Variants in SAMMSON observed in about 807,000 individuals in gnomAD.
SAMMSON encodes the protein long intergenic non-protein coding RNA 1212.
chr3:70,281,254 A>G (rs556547673), intron 6 of SAMMSON, among the ~76,000 whole-genome samples: 3 of 152,272 alleles, frequency 2.0e-5, no homozygotes, highest in African/African-American at 7.2e-5. Context: ...AAATTTCTTC[A>G]AGGTAACCTC....
chr3:70,223,248 G>A (rs567009921), intron 4 of SAMMSON, among the ~76,000 whole-genome samples: 7 of 152,124 alleles, frequency 4.6e-5, no homozygotes, highest in East Asian at 3.9e-4. Flanking sequence ...CAAAGCAATC[G>A]AAACTCAGAG....
chr3:70,101,969 A>G (rs1418185461), intron 4 of SAMMSON, among the ~76,000 whole-genome samples: 1 of 152,218 alleles, frequency 6.6e-6, no homozygotes, highest in Non-Finnish European at 1.5e-5. Flanking sequence ...AATATTGGAA[A>G]CAAATGATCA....
At chr3:70,300,936 G>A (rs1702342844) in intron 7 of SAMMSON, among the ~76,000 whole-genome samples, 1 of 151,990 alleles carries the variant, frequency 6.6e-6, no homozygotes, top group African/African-American at 2.4e-5. Context: ...AAAGCCGTTA[G>A]TGCAATTTTC....
chr3:70,298,969 G>C (rs533064082), intron 7 of SAMMSON, among the ~76,000 whole-genome samples: 1 of 152,108 alleles, frequency 6.6e-6, no homozygotes, highest in Non-Finnish European at 1.5e-5. Flanking sequence ...ACTAAGCTGA[G>C]GCATTGATGT....
At chr3:70,098,711 A>G (rs1380985401) in intron 4 of SAMMSON, among the ~76,000 whole-genome samples, 2 of 152,148 alleles carry the variant, frequency 1.3e-5, no homozygotes. Flanking sequence ...AAAGTGTACA[A>G]AAAGGTACAA....
At chr3:70,143,164 G>A (rs1258433455) in intron 4 of SAMMSON, among the ~76,000 whole-genome samples, 1 of 152,068 alleles carries the variant, frequency 6.6e-6, no homozygotes, top group East Asian at 1.9e-4. Flanking sequence ...TCAAATGCAA[G>A]TATAGTTCTT....
chr3:70,340,247 TGGGGGGA>T, intron 7 of SAMMSON, among the ~76,000 whole-genome samples: 1 of 33,772 alleles, frequency 3.0e-5, no homozygotes, highest in Non-Finnish European at 5.4e-5. Context: ...TGTCGTGGGT[TGGGGGGA>T]GGGGGGAGGG....
intron 6 of SAMMSON, among the ~76,000 whole-genome samples, chr3:70,284,246 G>T (rs1003433769): frequency 6.6e-6 from 1 of 152,046 alleles, no homozygotes; most frequent in Non-Finnish European, 1.5e-5. Flanking sequence ...TTAGGACAAG[G>T]CCAAGATAAG....
chr3:70,060,638 G>C lies in SAMMSON; in HGVS notation n.418-10838G>C, dbSNP rs576892316. ...ACCTCCTATTTGCTGTCACAACTTGGGGGGAGATGCTACTGGCATCTGGTA... is the reference window on the plus strand; with the variant it reads ...ACCTCCTATTTGCTGTCACAACTTGCGGGGAGATGCTACTGGCATCTGGTA... On this transcript the variant is annotated intron_variant and non_coding_transcript_variant, in intron 3 of 9. Transcript: ENST00000642114. Among the ~76,000 whole-genome samples the C allele has an allele frequency of 2.4e-4, 36 of 152,140 alleles. No homozygotes were observed. The South Asian group carries it at 5.8e-3, about 25-fold the overall frequency.
At chr3:70,357,646 A>G (rs1306193229) in intron 8 of SAMMSON, among the ~76,000 whole-genome samples, 1 of 152,068 alleles carries the variant, frequency 6.6e-6, no homozygotes. Flanking sequence ...GCAAACCACC[A>G]TGGCACATGT....
chr3:70,297,177 T>C (rs1435256617), intron 7 of SAMMSON, among the ~76,000 whole-genome samples: 2 of 152,160 alleles, frequency 1.3e-5, no homozygotes, highest in Non-Finnish European at 2.9e-5. Context: ...TCAAATTTAC[T>C]ATTGGATGAT....
At chr3:70,161,064 T>TAAA (rs2067613042) in intron 4 of SAMMSON, among the ~76,000 whole-genome samples, 1 of 152,074 alleles carries the variant, frequency 6.6e-6, no homozygotes, top group Non-Finnish European at 1.5e-5. Flanking sequence ...AGCTTTGGCT[T>TAAA]TGTTTGTGGA....
chr3:70,356,526 CAGTCATTTAA>C (rs1231727560), intron 8 of SAMMSON, among the ~76,000 whole-genome samples: 2 of 152,062 alleles, frequency 1.3e-5, no homozygotes, highest in African/African-American at 4.8e-5. Context: ...CAAGTCCCAC[CAGTCATTTAA>C]TGACATTCTC....
At chr3:70,333,548 A>T (rs1157046322) in intron 7 of SAMMSON, among the ~76,000 whole-genome samples, 1 of 152,130 alleles carries the variant, frequency 6.6e-6, no homozygotes, top group Non-Finnish European at 1.5e-5. Context: ...AGAAAACATA[A>T]CCTTTTACAG....
At chr3:70,093,156 C>T (rs1343142237) in intron 4 of SAMMSON, among the ~76,000 whole-genome samples, 1 of 152,084 alleles carries the variant, frequency 6.6e-6, no homozygotes, top group African/African-American at 2.4e-5. Flanking sequence ...TTTTCTCTGC[C>T]TTCAATGTTC....
At chr3:70,107,718 G>A (rs9836102) in intron 4 of SAMMSON, among the ~76,000 whole-genome samples, 2,245 of 151,708 alleles carry the variant, frequency 0.015, 51 homozygotes, top group African/African-American at 0.051. Flanking sequence ...TTTGTCATAC[G>A]AATTAATAGG....
chr3:70,243,158 G>A (rs1034721447), intron 4 of SAMMSON, among the ~76,000 whole-genome samples: 8 of 151,978 alleles, frequency 5.3e-5, no homozygotes, highest in Non-Finnish European at 1.2e-4. Context: ...TTTGTCTTCT[G>A]CAGACAAGAG....
intron 4 of SAMMSON, among the ~76,000 whole-genome samples, chr3:70,221,895 C>T (rs879542033): frequency 6.6e-6 from 1 of 152,104 alleles, no homozygotes; most frequent in Non-Finnish European, 1.5e-5. Flanking sequence ...CAATTTGTGC[C>T]AACCCAATAG....
At chr3:70,092,164 T>C (rs1354338227) in intron 4 of SAMMSON, among the ~76,000 whole-genome samples, 2 of 152,148 alleles carry the variant, frequency 1.3e-5, no homozygotes, top group African/African-American at 4.8e-5. Context: ...GATACTTGCT[T>C]TGAAATTAAG....
Sources: allele counts gnomAD v4.1 joint callset (sites outside exome capture counted in the v4.1 genomes callset), GRCh38; gene constraint gnomAD v4.1.1; transcripts MANE v1.5; gene names NCBI Gene and HGNC (gene_info 2026-07-23, HGNC 2026-07-21).